The following RANBP17 variants were observed in gnomAD, a reference collection of about 807,000 sequenced individuals.
RANBP17 encodes the protein ran-binding protein 17.
A neutral mutation model predicts 141.2 loss-of-function variants in RANBP17; 158 were observed. That is an observed-to-expected ratio of 1.12 (90% CI 0.98 to 1.28). The LOEUF (loss-of-function observed/expected upper bound fraction) is 1.28. Among genes scored for constraint, RANBP17 ranks in the 50% most tolerant of loss-of-function variants. The pLI, the probability that RANBP17 is intolerant of heterozygous loss-of-function variation, is 0.00. For synonymous variants in RANBP17, 430 were observed against 450.0 expected, an observed-to-expected ratio of 0.96 and a Z score of 0.56; for missense variants, 1,438 against 1,290.7, an observed-to-expected ratio of 1.11 and a Z score of -1.75.
chr5:171,282,149 G>C (rs1767896925), intron 25 of RANBP17, among the ~76,000 whole-genome samples: 1 of 152,212 alleles, frequency 6.6e-6, no homozygotes, highest in Non-Finnish European at 1.5e-5. Flanking sequence ...TGCCAAGAAG[G>C]AAAGGGAATT....
At chr5:171,207,789 T>C (rs938559642) in intron 20 of RANBP17, 3 of 152,198 alleles carry the variant, frequency 2.0e-5, no homozygotes, top group Non-Finnish European at 4.4e-5. Context: ...GATTTATAGT[T>C]TTCCTTTGGG....
chr5:171,062,247 C>T (rs1489676808), intron 14 of RANBP17, among the ~76,000 whole-genome samples: 1 of 152,192 alleles, frequency 6.6e-6, no homozygotes, highest in African/African-American at 2.4e-5. Flanking sequence ...GGAGTTTCTT[C>T]CTAGCCTTGA....
chr5:171,205,870 T>C, intron 20 of RANBP17: 1 of 540,838 alleles, frequency 1.8e-6, no homozygotes, highest in Non-Finnish European at 3.4e-6. Flanking sequence ...CAAATGATTG[T>C]TTATGTTGGA....
chr5:170,907,651 C>T (rs958825322), intron 5 of RANBP17, among the ~76,000 whole-genome samples: 6 of 151,784 alleles, frequency 4.0e-5, no homozygotes, highest in African/African-American at 1.5e-4. Flanking sequence ...TTAAAATCAT[C>T]CTTTATTTCA....
intron 14 of RANBP17, among the ~76,000 whole-genome samples, chr5:171,046,593 AT>A (rs746839156): frequency 1.3e-5 from 2 of 152,108 alleles, no homozygotes; most frequent in South Asian, 2.1e-4. Context: ...ACTTAGATAT[AT>A]TTTTTTAAAT....
intron 14 of RANBP17, among the ~76,000 whole-genome samples, chr5:170,984,029 G>A (rs1471661134): frequency 1.3e-5 from 2 of 152,136 alleles, no homozygotes; most frequent in African/African-American, 4.8e-5. Context: ...GCATTACAGA[G>A]CCTAACATTA....
chr5:171,035,652 G>T (rs941423205), intron 14 of RANBP17, among the ~76,000 whole-genome samples: 6 of 149,794 alleles, frequency 4.0e-5, no homozygotes, highest in Non-Finnish European at 1.5e-5. Context: ...AAGCTGATAG[G>T]TGCTAAAGCC....
chr5:170,905,209 C>T (rs1050010277), intron 5 of RANBP17, among the ~76,000 whole-genome samples: 1 of 152,086 alleles, frequency 6.6e-6, no homozygotes, highest in Non-Finnish European at 1.5e-5. Context: ...CCTATTATCA[C>T]CTGTTCCGTT....
intron 25 of RANBP17, among the ~76,000 whole-genome samples, chr5:171,272,518 C>CA (rs199945644): frequency 1.6e-3 from 236 of 148,948 alleles, no homozygotes; most frequent in Middle Eastern, 0.014. Flanking sequence ...AACTGAGGCA[C>CA]AAAAAAAAAT....
chr5:171,055,880 CAAAAA>C (rs72488636), intron 14 of RANBP17, among the ~76,000 whole-genome samples: 3 of 25,098 alleles, frequency 1.2e-4, no homozygotes, highest in South Asian at 4.4e-3. Context: ...GTCCTGTTGC[CAAAAA>C]AAAAAAAAAA....
At chr5:171,058,223 C>A (rs888582662) in intron 14 of RANBP17, among the ~76,000 whole-genome samples, 1 of 151,692 alleles carries the variant, frequency 6.6e-6, no homozygotes, top group Non-Finnish European at 1.5e-5. Flanking sequence ...AGGTTAGTTA[C>A]ATATGTATAC....
In RANBP17 at chr5:170,924,552, T is replaced by G; in HGVS notation, c.1468+2T>G. On this transcript the variant is annotated splice_donor_variant, in intron 12 of 27. Transcript: ENST00000523189. LOFTEE classifies it high-confidence loss of function. ...CTGTGGACATCACCATTCAGGAAGGTCAGTAAACTTTATATGACTACTGAG... is the reference window on the plus strand; with the variant it reads ...CTGTGGACATCACCATTCAGGAAGGGCAGTAAACTTTATATGACTACTGAG... 1 of 1,583,298 alleles carries G rather than the reference T, an allele frequency of 6.3e-7. No individual in the cohort carries two copies. The highest frequency in any genetic ancestry group is 8.7e-7 in the Non-Finnish European group (1 of 1,154,958).
intron 24 of RANBP17, chr5:171,252,507 C>G (rs1429096724): frequency 1.4e-6 from 2 of 1,441,306 alleles, no homozygotes; most frequent in East Asian, 4.6e-5. Flanking sequence ...ACAAGTATTA[C>G]TGTGAAGAGT....
intron 14 of RANBP17, among the ~76,000 whole-genome samples, chr5:171,161,214 A>G (rs1321638532): frequency 1.3e-5 from 2 of 152,218 alleles, no homozygotes; most frequent in Non-Finnish European, 2.9e-5. Context: ...TCATATAACC[A>G]CATCCAGAAT....
intron 14 of RANBP17, among the ~76,000 whole-genome samples, chr5:171,110,590 A>G (rs1358722377): frequency 1.3e-5 from 2 of 152,160 alleles, no homozygotes; most frequent in African/African-American, 4.8e-5. Context: ...CAAAAGACAG[A>G]TTACCAAGGG....
intron 12 of RANBP17, among the ~76,000 whole-genome samples, chr5:170,930,201 T>C (rs1450481522): frequency 6.6e-6 from 1 of 151,982 alleles, no homozygotes; most frequent in East Asian, 1.9e-4. Flanking sequence ...TTACTTTGGA[T>C]GTTATTTGAT....
Position 170,945,061 on chromosome 5 carries a change from A to G in RANBP17, c.1469-8536A>G, listed in dbSNP as rs369352362. 1.3e-3 allele frequency among the ~76,000 whole-genome samples: 199 copies of G among 152,112 alleles called. 1 individual carries two copies. The highest frequency in any genetic ancestry group is 4.7e-3 in the African/African-American group (193 of 41,494). The stretch of plus-strand genomic sequence containing the variant: ...TTCCCATACATTTGTGTATTTAGTT[A>G]TATCCCTAGCACAGAACATGATACA... On this transcript the variant is annotated intron_variant, in intron 12 of 27. Coordinates refer to ENST00000523189, the MANE Select transcript of RANBP17 (RefSeq NM_022897.5).
intron 14 of RANBP17, among the ~76,000 whole-genome samples, chr5:171,137,608 G>GTC (rs1305515019): frequency 2.9e-4 from 42 of 143,736 alleles, no homozygotes; most frequent in East Asian, 6.4e-4. Flanking sequence ...GTGTGTGTCT[G>GTC]TGTGTGTGTG....
chr5:171,038,610 A>T (rs1191620771), intron 14 of RANBP17, among the ~76,000 whole-genome samples: 1 of 151,948 alleles, frequency 6.6e-6, no homozygotes, highest in Non-Finnish European at 1.5e-5. Flanking sequence ...TATTATTTTG[A>T]GGTATGATCC....
Sources: allele counts gnomAD v4.1 joint callset (sites outside exome capture counted in the v4.1 genomes callset), GRCh38; gene constraint gnomAD v4.1.1; transcripts MANE v1.5; gene names NCBI Gene and HGNC (gene_info 2026-07-23, HGNC 2026-07-21).